CRADD: variants seen among roughly 807,000 people sequenced by gnomAD.
CRADD encodes the protein death domain-containing protein CRADD.
Under a neutral mutation model 15.5 loss-of-function variants are expected in CRADD, and 9 were observed. The observed-to-expected ratio is 0.58, with a 90% CI of 0.35 to 1.01. The LOEUF is 1.01. CRADD is among the 50% of genes least tolerant of loss of function. The pLI, the probability that CRADD is intolerant of heterozygous loss-of-function variation, is 0.02. For missense variants in CRADD, 227 were observed against 250.3 expected (o/e 0.91, Z 0.63); for synonymous variants, 118 against 107.6 (o/e 1.10, Z -0.60).
At position 93,720,309 on chromosome 12, in the gene CRADD, A is replaced by G. The variant is rs186858755; in HGVS notation, c.298+41237A>G. On this transcript the variant is annotated intron_variant, in intron 2 of 2. Transcript: ENST00000332896. The stretch of plus-strand genomic sequence containing the variant: ...ACAGCAGATTTTATATGGTTTCTAT[A>G]TTTTTAAATTTATTAGAGTGTGTTT... 8.5e-4 allele frequency among the ~76,000 whole-genome samples: 129 copies of G among 152,236 alleles called. 1 individual carries two copies. The highest frequency in any genetic ancestry group is 2.6e-3 in the African/African-American group (109 of 41,546).
chr12:93,804,580 G>C (rs1021411537), intron 2 of CRADD, among the ~76,000 whole-genome samples: 2 of 152,100 alleles, frequency 1.3e-5, no homozygotes, highest in Non-Finnish European at 2.9e-5. Flanking sequence ...ATCAGAATGA[G>C]CTGCTGAACA....
At chr12:93,697,260 A>T (rs1158672159) in intron 2 of CRADD, among the ~76,000 whole-genome samples, 1 of 152,208 alleles carries the variant, frequency 6.6e-6, no homozygotes, top group Admixed American at 6.5e-5. Flanking sequence ...CTTTACCCTC[A>T]TGAATAGATT....
chr12:93,779,708 G>A (rs1308512255), intron 2 of CRADD, among the ~76,000 whole-genome samples: 1 of 151,540 alleles, frequency 6.6e-6, no homozygotes, highest in Non-Finnish European at 1.5e-5. Context: ...TCCTGGCTTA[G>A]CCTCTGGAGT....
At chr12:93,721,809 T>TGTACA (rs1406137049) in intron 2 of CRADD, among the ~76,000 whole-genome samples, 1 of 152,224 alleles carries the variant, frequency 6.6e-6, no homozygotes, top group African/African-American at 2.4e-5. Flanking sequence ...AAGGGACTAC[T>TGTACA]GTACACATAA....
intron 2 of CRADD, among the ~76,000 whole-genome samples, chr12:93,784,982 G>A (rs889548690): frequency 5.9e-5 from 9 of 152,090 alleles, no homozygotes; most frequent in Non-Finnish European, 1.3e-4. Context: ...GGCACAACTC[G>A]TTATTAATTT....
chr12:93,728,806 A>G (rs193007748), intron 2 of CRADD, among the ~76,000 whole-genome samples: 181 of 152,348 alleles, frequency 1.2e-3, no homozygotes, highest in African/African-American at 4.3e-3. Flanking sequence ...ATAATATATC[A>G]TTACCAAATG....
Position 93,690,355 on chromosome 12 carries a change from G to T in CRADD, c.298+11283G>T, listed in dbSNP as rs566999720. Among the ~76,000 whole-genome samples, 3 of 152,344 alleles carry T rather than the reference G, an allele frequency of 2.0e-5. No individual in the cohort carries two copies. The South Asian group carries it at 6.2e-4, about 32-fold the overall frequency. On this transcript the variant is annotated intron_variant, in intron 2 of 2. Transcript: ENST00000332896. ...ACGCCCATGGGCCTGGAAAACAAAT[G>T]ATAGCCCTTTAAGGGAGGAGGTTGC...
At chr12:93,859,987 C>A (rs1261880660) in intron 2 of CRADD, among the ~76,000 whole-genome samples, 1 of 151,890 alleles carries the variant, frequency 6.6e-6, no homozygotes, top group African/African-American at 2.4e-5. Context: ...GCCTTGGTCT[C>A]CCATAGTACT....
At chr12:93,709,533 T>C (rs1159232909) in intron 2 of CRADD, among the ~76,000 whole-genome samples, 1 of 152,212 alleles carries the variant, frequency 6.6e-6, no homozygotes, top group Non-Finnish European at 1.5e-5. Flanking sequence ...TGTTCCTGAG[T>C]TAGTCTGCTA....
At chr12:93,751,272 T>G (rs1331787284) in intron 2 of CRADD, among the ~76,000 whole-genome samples, 1 of 152,170 alleles carries the variant, frequency 6.6e-6, no homozygotes, top group Non-Finnish European at 1.5e-5. Flanking sequence ...CTGGATGGTG[T>G]TTGTTTACCT....
intron 2 of CRADD, among the ~76,000 whole-genome samples, chr12:93,833,933 G>A (rs1409796818): frequency 3.9e-5 from 6 of 152,080 alleles, no homozygotes; most frequent in African/African-American, 1.4e-4. Flanking sequence ...CAAGTTAGAT[G>A]TGACCTTGTG....
At chr12:93,870,105 A>C (rs868115650) in intron 2 of CRADD, among the ~76,000 whole-genome samples, 4 of 152,250 alleles carry the variant, frequency 2.6e-5, no homozygotes, top group African/African-American at 9.6e-5. Flanking sequence ...TTCATCAGAA[A>C]TAAGGAATGA....
chr12:93,862,342 C>A (rs546545149), intron 2 of CRADD, among the ~76,000 whole-genome samples: 1 of 152,206 alleles, frequency 6.6e-6, no homozygotes, highest in Non-Finnish European at 1.5e-5. Flanking sequence ...TCCAAGGCAA[C>A]ATTGAAGTAA....
intron 2 of CRADD, among the ~76,000 whole-genome samples, chr12:93,872,061 T>C (rs1036156974): frequency 4.6e-5 from 7 of 152,206 alleles, no homozygotes; most frequent in African/African-American, 1.7e-4. Flanking sequence ...CTCTACATAC[T>C]GGCCAACATC....
chr12:93,696,917 T>C (rs771211908), intron 2 of CRADD, among the ~76,000 whole-genome samples: 1 of 152,106 alleles, frequency 6.6e-6, no homozygotes, highest in Non-Finnish European at 1.5e-5. Flanking sequence ...GAAATATTAT[T>C]ATCATTTTAT....
At chr12:93,829,102 G>C (rs1308413286) in intron 2 of CRADD, among the ~76,000 whole-genome samples, 1 of 150,680 alleles carries the variant, frequency 6.6e-6, no homozygotes, top group Admixed American at 6.6e-5. Flanking sequence ...TCTAATTCTG[G>C]TCCTTATTTC....
intron 2 of CRADD, among the ~76,000 whole-genome samples, chr12:93,829,991 G>A (rs137863123): frequency 9.9e-5 from 15 of 152,126 alleles, no homozygotes; most frequent in African/African-American, 3.6e-4. Context: ...CACGCCCGGC[G>A]GTTATTTCAA....
chr12:93,738,034 G>A (rs1956606014), intron 2 of CRADD, among the ~76,000 whole-genome samples: 1 of 152,082 alleles, frequency 6.6e-6, no homozygotes, highest in Non-Finnish European at 1.5e-5. Flanking sequence ...CCAAAGGCAA[G>A]CAGGAGAGTT....
chr12:93,847,957 A>G (rs544344469), intron 2 of CRADD, among the ~76,000 whole-genome samples: 1 of 152,212 alleles, frequency 6.6e-6, no homozygotes, highest in African/African-American at 2.4e-5. Flanking sequence ...GTTACATCCA[A>G]ACAAAATTAC....
Sources: gnomAD v4.1 joint callset for allele counts (sites outside exome capture counted in the v4.1 genomes callset) on GRCh38, gnomAD v4.1.1 for gene constraint, MANE v1.5 for transcripts, NCBI Gene and HGNC (gene_info 2026-07-23, HGNC 2026-07-21) for gene names.